The following UACA variants were observed in gnomAD, a reference collection of about 807,000 sequenced individuals.
UACA encodes the protein nuclear membrane binding protein.
A neutral mutation model predicts 160.5 loss-of-function variants in UACA; 112 were observed. That is an observed-to-expected ratio of 0.70 (90% CI 0.60 to 0.82). The LOEUF (loss-of-function observed/expected upper bound fraction) is 0.82. UACA is among the 40% of genes least tolerant of loss of function. The pLI is 0.00. For synonymous variants in UACA, 557 were observed against 568.4 expected, an observed-to-expected ratio of 0.98 and a Z score of 0.29; for missense variants, 1,574 against 1,614.6, an observed-to-expected ratio of 0.97 and a Z score of 0.43.
intron 3 of UACA, among the ~76,000 whole-genome samples, 154 bp from the exon 4 acceptor site, chr15:70,691,517 T>C (rs1332131260): frequency 6.6e-6 from 1 of 152,206 alleles, no homozygotes; most frequent in East Asian, 1.9e-4. Flanking sequence ...TCATCTAGCT[T>C]GATATTTTAG....
intron 1 of UACA, among the ~76,000 whole-genome samples, chr15:70,716,304 T>A (rs1318969928): frequency 6.6e-6 from 1 of 152,202 alleles, no homozygotes; most frequent in Non-Finnish European, 1.5e-5. Flanking sequence ...ACATTATCAG[T>A]GCTGCCATTT....
intron 1 of UACA, among the ~76,000 whole-genome samples, chr15:70,715,866 G>A (rs965389411): frequency 6.6e-6 from 1 of 152,168 alleles, no homozygotes; most frequent in Non-Finnish European, 1.5e-5. Flanking sequence ...CTTAAGTGTT[G>A]TATATACACA....
At chr15:70,727,113 T>C (rs988509002) in intron 1 of UACA, among the ~76,000 whole-genome samples, 1 of 152,194 alleles carries the variant, frequency 6.6e-6, no homozygotes, top group East Asian at 1.9e-4. Flanking sequence ...ATATGCAGCT[T>C]TTTCTTAAGG....
Position 70,690,641 on chromosome 15 carries a change from C to T in UACA, c.367-130G>A, listed in dbSNP as rs115151304. The stretch of plus-strand genomic sequence containing the variant: ...ATCAAAGAAGCTAAAGACTATCCGA[C>T]AATCCATGAAATATGCTGACATGGA... On this transcript the variant is annotated intron_variant, in intron 4 of 18. Coordinates refer to ENST00000322954, the MANE Select transcript of UACA (RefSeq NM_018003.4). The T allele has an allele frequency of 3.5e-3, 2,344 of 665,832 alleles. 39 individuals carry two copies. In the African/African-American group the frequency reaches 0.039, roughly 11 times the overall value. 41.2% of individuals were successfully genotyped at this position (665,832 alleles called of 1,614,324 possible).
In UACA at chr15:70,656,686, A is replaced by T. The variant is rs933608609; in HGVS notation, c.*370T>A. The T allele has an allele frequency of 5.8e-6, 1 of 172,570 alleles. No homozygotes were observed. The highest frequency in any genetic ancestry group is 1.2e-5 in the Non-Finnish European group (1 of 80,030). The allele number at this position is 172,570 out of a possible 1,614,324, so 10.7% of individuals were successfully genotyped here. A position where few individuals can be genotyped will look rare whatever the true frequency, so the allele number is the denominator to read the frequency against. On this transcript the variant is annotated 3_prime_UTR_variant, in exon 19 of 19. Transcript: ENST00000322954. ...TCTTTTGATCCACCTAAAAGTGGCCACCAACCAAATTAATTTCTCTGAAAG... is the reference window on the plus strand; with the variant it reads ...TCTTTTGATCCACCTAAAAGTGGCCTCCAACCAAATTAATTTCTCTGAAAG...
chr15:70,722,548 G>C (rs1020789392), intron 1 of UACA, among the ~76,000 whole-genome samples: 5 of 152,134 alleles, frequency 3.3e-5, no homozygotes, highest in African/African-American at 1.2e-4. Flanking sequence ...GAACTACTGA[G>C]CTCAAGCAAT....
At chr15:70,759,461 G>A (rs1481623218) in intron 1 of UACA, among the ~76,000 whole-genome samples, 2 of 152,180 alleles carry the variant, frequency 1.3e-5, no homozygotes, top group Non-Finnish European at 2.9e-5. Flanking sequence ...TTTGAGAACA[G>A]CCTGGCCAAT....
chr15:70,708,345 G>A (rs1322411273), intron 1 of UACA, among the ~76,000 whole-genome samples: 1 of 152,060 alleles, frequency 6.6e-6, no homozygotes, highest in Non-Finnish European at 1.5e-5. Flanking sequence ...AAGATCAGTT[G>A]CATAACAATG....
chr15:70,769,211 A>G, the UACA span, among the ~76,000 whole-genome samples: 7 of 151,906 alleles, frequency 4.6e-5, no homozygotes, highest in South Asian at 1.2e-3. Context: ...ACAAAAAATT[A>G]GCCGGGCGTG....
chr15:70,671,005 GTTT>G (rs746142056), intron 15 of UACA, 31 bp downstream of exon 15: 11 of 1,430,856 alleles, frequency 7.7e-6, no homozygotes, highest in Non-Finnish European at 1.0e-5. Flanking sequence ...TTCTTTAAAT[GTTT>G]TTTAAAATTA....
intron 1 of UACA, among the ~76,000 whole-genome samples, chr15:70,723,093 G>A (rs79931476): frequency 6.8e-4 from 103 of 152,264 alleles, no homozygotes; most frequent in African/African-American, 2.1e-3. Flanking sequence ...CCCCCTGAGC[G>A]TCAGTTTCCT....
At position 70,718,250 on chromosome 15, in the gene UACA, C is replaced by CG. The variant is rs1051324298; in HGVS notation, c.79-18591dup. On this transcript the variant is annotated intron_variant, in intron 1 of 18. Coordinates refer to ENST00000322954, the MANE Select transcript of UACA (RefSeq NM_018003.4). ...AAGGTGAGAGAGAGAGACAGAGGAA[C>CG]GGGGGGGAGGGAGGGGGAGGAGGGG... 2.0e-3 allele frequency among the ~76,000 whole-genome samples: 17 copies of CG among 8,640 alleles called. No individual in the cohort carries two copies. The East Asian group carries it at 0.021, about 11-fold the overall frequency. 5.7% of individuals were successfully genotyped at this position (8,640 alleles called of 152,430 possible).
At chr15:70,727,574 T>TA (rs1422465026) in intron 1 of UACA, among the ~76,000 whole-genome samples, 1 of 152,212 alleles carries the variant, frequency 6.6e-6, no homozygotes, top group East Asian at 1.9e-4. Context: ...ATAAATTATA[T>TA]AAAATGCCTC....
chr15:70,736,820 G>A (rs1419732751), intron 1 of UACA, among the ~76,000 whole-genome samples: 1 of 152,186 alleles, frequency 6.6e-6, no homozygotes, highest in Non-Finnish European at 1.5e-5. Flanking sequence ...TTTAATGTAA[G>A]ACTGCAGTCA....
chr15:70,711,397 C>T (rs1438113298), intron 1 of UACA, among the ~76,000 whole-genome samples: 2 of 151,688 alleles, frequency 1.3e-5, no homozygotes, highest in Non-Finnish European at 2.9e-5. Flanking sequence ...CACGGTGGCT[C>T]ACACCTGTAA....
At chr15:70,685,320 G>C (rs1236057406) in intron 7 of UACA, among the ~76,000 whole-genome samples, 1 of 152,036 alleles carries the variant, frequency 6.6e-6, no homozygotes, top group Admixed American at 6.5e-5. Flanking sequence ...TTTAGGATGG[G>C]GCTAACCAAC....
rs142377839 is a variant in UACA, at chr15:70,692,265, G to A, written c.302-902C>T. 2.2e-4 allele frequency among the ~76,000 whole-genome samples: 33 copies of A among 152,162 alleles called. No homozygotes were observed. In the East Asian group the frequency reaches 5.8e-3, roughly 27 times the overall value. On this transcript the variant is annotated intron_variant, in intron 3 of 18. Coordinates refer to ENST00000322954, the MANE Select transcript of UACA (RefSeq NM_018003.4). ...CAGCCTCGAATGCCTGGGCTCAAGC[G>A]ATCCTCACAGCTCAGCTTCCAGAGT...
At chr15:70,677,602 G>GT (rs1242226549) in intron 11 of UACA, among the ~76,000 whole-genome samples, 2 of 152,064 alleles carry the variant, frequency 1.3e-5, no homozygotes, top group Non-Finnish European at 2.9e-5. Context: ...TTCACCTGTG[G>GT]TAAGTCCTGT....
chr15:70,711,212 T>C (rs899666387), intron 1 of UACA, among the ~76,000 whole-genome samples: 1 of 152,128 alleles, frequency 6.6e-6, no homozygotes, highest in Non-Finnish European at 1.5e-5. Context: ...TTCAAAGGGT[T>C]CACTGACCTC....
Sources: allele counts gnomAD v4.1 joint callset (sites outside exome capture counted in the v4.1 genomes callset), GRCh38; gene constraint gnomAD v4.1.1; transcripts MANE v1.5; gene names NCBI Gene and HGNC (gene_info 2026-07-23, HGNC 2026-07-21).